The following RALGAPA1 variants were observed in gnomAD, a reference collection of about 807,000 sequenced individuals.
RALGAPA1 encodes ral GTPase-activating protein subunit alpha-1.
A neutral mutation model predicts 269.6 loss-of-function variants in RALGAPA1; 52 were observed. The observed-to-expected ratio is 0.19, with a 90% CI of 0.15 to 0.24. The LOEUF is 0.24. Among genes scored for constraint, RALGAPA1 ranks in the 10% least tolerant of loss-of-function variants. The probability of loss-of-function intolerance (pLI) is 1.00; values close to 1 mark genes in which losing one functional copy is unlikely to be tolerated. For missense variants in RALGAPA1, 1,917 were observed against 3,013.9 expected, an observed-to-expected ratio of 0.64 and a Z score of 8.52; for synonymous variants, 817 against 1,008.3, an observed-to-expected ratio of 0.81 and a Z score of 3.60.
chr14:35,659,107 G>C, intron 28 of RALGAPA1, 31 bp downstream of exon 28: 2 of 1,527,470 alleles, frequency 1.3e-6, no homozygotes, highest in Non-Finnish European at 1.8e-6. Context: ...ACACAAAATA[G>C]TTATACTCAG....
At chr14:35,671,903 G>GT (rs1474184950) in intron 25 of RALGAPA1, among the ~76,000 whole-genome samples, 1 of 152,074 alleles carries the variant, frequency 6.6e-6, no homozygotes, top group Non-Finnish European at 1.5e-5. Flanking sequence ...CACATGACCC[G>GT]TTACGTGACA....
intron 7 of RALGAPA1, 98 bp downstream of exon 7, chr14:35,756,695 G>C: frequency 2.4e-6 from 2 of 833,134 alleles, no homozygotes; most frequent in Non-Finnish European, 3.6e-6. Context: ...AAGAAAATAA[G>C]CAAATATCTA....
At position 35,686,559 on chromosome 14, in the gene RALGAPA1, G is replaced by C. The variant is rs1474502939; in HGVS notation, c.4060C>G (p.Arg1354Gly). Residue 1354 changes from arginine to glycine, a missense_variant, in exon 19 of 42, where the codon CGA becomes GGA. This residue lies in a region of RALGAPA1 where 615 missense variants were observed against 790.0 expected (regional missense o/e 0.78). Coordinates refer to ENST00000680220, the MANE Select transcript of RALGAPA1 (RefSeq NM_001346249.2). ...LMDEFIAERLRSGNASTMTRR... is the reference protein window; with the variant it reads ...LMDEFIAERLGSGNASTMTRR... ...AAACTTACCGAGGCATTACCACTTC[G>C]AAGTCGTTCTGCTATAAACTCATCC... The C allele has an allele frequency of 3.1e-6, 5 of 1,603,922 alleles. No individual in the cohort carries two copies. The highest frequency in any genetic ancestry group is 4.2e-6 in the Non-Finnish European group (5 of 1,177,022).
chr14:35,667,435 A>G (rs2064037177), intron 26 of RALGAPA1, among the ~76,000 whole-genome samples: 2 of 152,166 alleles, frequency 1.3e-5, no homozygotes, highest in Non-Finnish European at 2.9e-5. Context: ...CTGTTTATCT[A>G]ATATAGCATT....
chr14:35,618,822 TCAATAAAA>T (rs2139441808), intron 35 of RALGAPA1, among the ~76,000 whole-genome samples: 2 of 152,118 alleles, frequency 1.3e-5, no homozygotes, highest in South Asian at 4.1e-4. Context: ...ATTCAGAATA[TCAATAAAA>T]CAATAAAACA....
At position 35,742,460 on chromosome 14, in the gene RALGAPA1, C is replaced by T. The variant is rs1217375774; in HGVS notation, c.1357G>A (p.Glu453Lys). The change falls in exon 11 of 42, where the codon GAA (glutamate) becomes AAA (lysine). Residue 453 changes from glutamate (E) to lysine (K), a missense_variant. Transcript: ENST00000680220. ...TCTGAAGAAGTGATCACAATTTCTTCAGGCTCTTGCATGAACAAAGGTTTT... is the reference window on the plus strand; with the variant it reads ...TCTGAAGAAGTGATCACAATTTCTTTAGGCTCTTGCATGAACAAAGGTTTT... ...EEKPLFMQEP[E>K]EIVITSSDLP... 4 of 1,602,990 alleles carry T rather than the reference C, an allele frequency of 2.5e-6. No homozygotes were observed. Among genetic ancestry groups the T allele is most frequent in the Non-Finnish European group, 3.4e-6 (4 of 1,170,828 alleles).
chr14:35,652,693 C>A (rs1246047446), intron 30 of RALGAPA1, among the ~76,000 whole-genome samples: 2 of 152,092 alleles, frequency 1.3e-5, no homozygotes, highest in African/African-American at 2.4e-5. Context: ...GCATGAGCCA[C>A]CGTGCCCAGC....
intron 39 of RALGAPA1, among the ~76,000 whole-genome samples, chr14:35,554,693 C>T (rs569178196): frequency 6.6e-6 from 1 of 152,238 alleles, no homozygotes; most frequent in Non-Finnish European, 1.5e-5. Context: ...TTCTTGGGGG[C>T]AGATTTGGTG....
chr14:35,797,285 G>A (rs1447443681), intron 1 of RALGAPA1, among the ~76,000 whole-genome samples: 14 of 146,316 alleles, frequency 9.6e-5, no homozygotes, highest in African/African-American at 3.6e-4. Context: ...CCTGAGAGGT[G>A]GAGGTTGCAG....
chr14:35,754,216 T>A (rs2072983675), intron 7 of RALGAPA1, among the ~76,000 whole-genome samples: 1 of 152,046 alleles, frequency 6.6e-6, no homozygotes, highest in African/African-American at 2.4e-5. Context: ...ATTCCAAAAG[T>A]CAGATCCATT....
At chr14:35,635,726 T>C in intron 31 of RALGAPA1, 128 bp from the exon 32 acceptor site, 2 of 730,570 alleles carry the variant, frequency 2.7e-6, no homozygotes, top group Non-Finnish European at 2.0e-6. Context: ...CCACTATTAA[T>C]ATTTACCCAG....
chr14:35,600,618 T>G (rs868575538), intron 36 of RALGAPA1, among the ~76,000 whole-genome samples: 5 of 152,342 alleles, frequency 3.3e-5, no homozygotes, highest in Admixed American at 1.3e-4. Context: ...CCCACTCCAC[T>G]TGGTTGTTGG....
At chr14:35,561,524 T>C (rs1470630785) in intron 39 of RALGAPA1, among the ~76,000 whole-genome samples, 4 of 143,978 alleles carry the variant, frequency 2.8e-5, no homozygotes, top group Admixed American at 6.9e-5. Context: ...TTTTTTTTTT[T>C]TTTTTTTTGA....
In RALGAPA1 at chr14:35,549,167, C is replaced by T; in HGVS notation, c.7564G>A (p.Asp2522Asn). The T allele has an allele frequency of 6.2e-7, 1 of 1,612,506 alleles. No individual in the cohort carries two copies. Residue 2522 changes from aspartate to asparagine, a missense_variant, in exon 40 of 42, where the codon GAT (aspartate) becomes AAT (asparagine). Coordinates refer to ENST00000680220, the MANE Select transcript of RALGAPA1 (RefSeq NM_001346249.2). ...QHHLEPTTFE[D>N]FAAQVFSPAP... ...GGAGAAAAAACCTGTGCTGCAAAAT[C>T]TTCAAATGTTGTTGGTTCTAAGTGG...
In RALGAPA1 at chr14:35,757,372, G is replaced by A. The variant is rs540170999; in HGVS notation, c.548-464C>T. On this transcript the variant is annotated intron_variant, in intron 6 of 41. Coordinates refer to ENST00000680220, the MANE Select transcript of RALGAPA1 (RefSeq NM_001346249.2). ...TGATCTCAGGTGATCTGCCCGCCTCGGCCTCCCAAAGTGCTAGGATTACAG... is the reference window on the plus strand; with the variant it reads ...TGATCTCAGGTGATCTGCCCGCCTCAGCCTCCCAAAGTGCTAGGATTACAG... 1.5e-4 allele frequency among the ~76,000 whole-genome samples: 23 copies of A among 151,938 alleles called. No individual in the cohort carries two copies. In the East Asian group the frequency reaches 2.7e-3, roughly 18 times the overall value.
chr14:35,710,132 A>T (rs1267362548), intron 16 of RALGAPA1, among the ~76,000 whole-genome samples: 2 of 152,224 alleles, frequency 1.3e-5, no homozygotes, highest in Non-Finnish European at 2.9e-5. Context: ...AAGATGTTAA[A>T]TATCCAACCA....
chr14:35,678,363 GA>G lies in RALGAPA1; in HGVS notation c.4472-262del, dbSNP rs1206760453. On this transcript the variant is annotated intron_variant, in intron 21 of 41. Transcript: ENST00000680220. ...TGACAGGAGCCATTAGTGAAACTAAGAATATCTACTCCCATTTCTGGCCCAG... is the reference window on the plus strand; with the variant it reads ...TGACAGGAGCCATTAGTGAAACTAAGATATCTACTCCCATTTCTGGCCCAG... Among the ~76,000 whole-genome samples the G allele has an allele frequency of 4.6e-4, 70 of 152,064 alleles. 1 individual carries two copies. Among genetic ancestry groups the G allele is most frequent in the Non-Finnish European group, 8.4e-4 (57 of 68,010 alleles).
At chr14:35,641,258 G>C (rs551727866) in intron 31 of RALGAPA1, among the ~76,000 whole-genome samples, 1 of 152,250 alleles carries the variant, frequency 6.6e-6, no homozygotes, top group East Asian at 1.9e-4. Flanking sequence ...GCAGACAAGA[G>C]AGAGAAATAA....
At chr14:35,791,262 G>A (rs1381588781) in intron 1 of RALGAPA1, among the ~76,000 whole-genome samples, 1 of 152,164 alleles carries the variant, frequency 6.6e-6, no homozygotes, top group Non-Finnish European at 1.5e-5. Context: ...CATCTTCAGA[G>A]GAGAATTAGA....
Sources: gnomAD v4.1 joint callset for allele counts (sites outside exome capture counted in the v4.1 genomes callset) on GRCh38, gnomAD v4.1.1 for gene constraint, gnomAD v4.1.1 regional missense constraint, MANE v1.5 for transcripts, NCBI Gene and HGNC (gene_info 2026-07-23, HGNC 2026-07-21) for gene names.